The following ZHX3 variants were observed in gnomAD, a reference collection of about 807,000 sequenced individuals.
ZHX3 encodes zinc fingers and homeoboxes protein 3.
A neutral mutation model predicts 64.5 loss-of-function variants in ZHX3; 20 were observed. That is an observed-to-expected ratio of 0.31 (90% confidence interval 0.22 to 0.45). The LOEUF (loss-of-function observed/expected upper bound fraction) is 0.45, where lower values mean the gene tolerates loss of function less well. Among genes scored for constraint, ZHX3 ranks in the 20% least tolerant of loss-of-function variants. ZHX3 has a pLI of 1.00. For synonymous variants in ZHX3, 423 were observed against 461.6 expected, an observed-to-expected ratio of 0.92 and a Z score of 1.07; for missense variants, 1,041 against 1,195.8, an observed-to-expected ratio of 0.87 and a Z score of 1.91.
At position 41,184,797 on chromosome 20, in the gene ZHX3, T is replaced by A; in HGVS notation, c.*394A>T. 2.4e-6 allele frequency: 3 copies of A among 1,248,178 alleles called. No individual in the cohort carries two copies. Among genetic ancestry groups the A allele is most frequent in the Non-Finnish European group, 3.2e-6 (3 of 923,770 alleles). The allele number at this position is 1,248,178 out of a possible 1,614,324, so 77.3% of individuals were successfully genotyped here. ...ATGACGTAACTGACAATGCACTGCTTGGCTAACCAAAGTTTCTACGTAATG... is the reference window on the plus strand; with the variant it reads ...ATGACGTAACTGACAATGCACTGCTAGGCTAACCAAAGTTTCTACGTAATG... On this transcript the variant is annotated 3_prime_UTR_variant, in exon 4 of 4. Coordinates refer to ENST00000683867, the MANE Select transcript of ZHX3 (RefSeq NM_001384317.1).
intron 2 of ZHX3, among the ~76,000 whole-genome samples, chr20:41,246,921 C>T (rs2041725728): frequency 6.7e-6 from 1 of 150,364 alleles, no homozygotes; most frequent in South Asian, 2.1e-4. Context: ...AAACTAATAT[C>T]TAAATATTAG....
chr20:41,292,595 C>T (rs527813175), intron 1 of ZHX3, among the ~76,000 whole-genome samples: 9 of 152,294 alleles, frequency 5.9e-5, no homozygotes, highest in African/African-American at 1.9e-4. Context: ...TGCTCATCTA[C>T]GATTCAAAAG....
In ZHX3 at chr20:41,203,373, C is replaced by T. The variant is rs747830614; in HGVS notation, c.1544G>A (p.Arg515Gln). ...TTCGCTCTGCCCTGGGAACTGGTTC[C>T]GACAGAAGCTCCCTTTCAGAGCTGA... ...QLSALKGSFC[R>Q]NQFPGQSEVE... is the part of the protein sequence containing the mutation. The change falls in exon 3 of 4, where the codon CGG becomes CAG. Residue 515 changes from arginine (R) to glutamine (Q), a missense_variant. Arg to Gln is a conservative substitution (Grantham distance 43). Around this residue, in one of 4 missense-constraint regions of ZHX3, gnomAD observed 649 missense variants for 739.8 expected, o/e 0.88. Coordinates refer to ENST00000683867, the MANE Select transcript of ZHX3 (RefSeq NM_001384317.1). This position sits in a 1 kb window ranked among gnomAD's most constrained non-coding sequence, Gnocchi z 7.1. 1.2e-5 allele frequency: 19 copies of T among 1,614,160 alleles called. No individual in the cohort carries two copies. The highest frequency in any genetic ancestry group is 8.8e-5 in the South Asian group (8 of 91,078).
intron 1 of ZHX3, among the ~76,000 whole-genome samples, chr20:41,292,524 TGGA>T (rs1448022584): frequency 2.0e-5 from 3 of 152,170 alleles, no homozygotes; most frequent in Admixed American, 2.0e-4. Context: ...ATTAAAAACT[TGGA>T]GAAAAGGGAG....
intron 1 of ZHX3, among the ~76,000 whole-genome samples, chr20:41,302,124 C>T (rs1042321189): frequency 1.3e-5 from 2 of 149,324 alleles, no homozygotes; most frequent in African/African-American, 2.5e-5. Flanking sequence ...CCGTGCCCAA[C>T]GGTTTACCTC....
chr20:41,218,314 G>A (rs146101329), intron 2 of ZHX3, among the ~76,000 whole-genome samples: 202 of 152,216 alleles, frequency 1.3e-3, no homozygotes, highest in African/African-American at 4.6e-3. Context: ...ATGGTGACAC[G>A]CATGCTTGTA....
At chr20:41,311,104 G>A (rs942764653) in intron 1 of ZHX3, among the ~76,000 whole-genome samples, 6 of 152,164 alleles carry the variant, frequency 3.9e-5, no homozygotes, top group East Asian at 1.9e-4. Context: ...CACCGTGCCC[G>A]GCCAATTCTC....
chr20:41,280,600 A>G (rs1440605995), intron 1 of ZHX3, among the ~76,000 whole-genome samples: 1 of 152,150 alleles, frequency 6.6e-6, no homozygotes, highest in Non-Finnish European at 1.5e-5. Context: ...TTTTTTTAGT[A>G]GAGACGGGGT....
chr20:41,233,482 T>C (rs1439709358), intron 2 of ZHX3, among the ~76,000 whole-genome samples: 1 of 152,258 alleles, frequency 6.6e-6, no homozygotes, highest in Non-Finnish European at 1.5e-5. Flanking sequence ...TTTAGCCATC[T>C]TGTTGCCAGA....
intron 1 of ZHX3, among the ~76,000 whole-genome samples, chr20:41,314,949 G>T (rs561888568): frequency 1.3e-5 from 2 of 152,318 alleles, no homozygotes; most frequent in South Asian, 2.1e-4. Context: ...ACACTTCAGG[G>T]TTAATGAGGG....
intron 1 of ZHX3, among the ~76,000 whole-genome samples, chr20:41,274,554 T>C (rs2043294769): frequency 1.3e-5 from 2 of 152,216 alleles, no homozygotes; most frequent in Non-Finnish European, 2.9e-5. Flanking sequence ...TAAAGGTAAC[T>C]TGAGCTGGAT....
intron 1 of ZHX3, among the ~76,000 whole-genome samples, chr20:41,299,564 T>C (rs754832259): frequency 1.3e-5 from 2 of 152,040 alleles, no homozygotes; most frequent in Middle Eastern, 3.2e-3. Context: ...AAAAGACATA[T>C]GAAAGACAAG....
Position 41,226,457 on chromosome 20 carries a change from T to C in ZHX3, c.-150-21391A>G, listed in dbSNP as rs2040278461. On this transcript the variant is annotated intron_variant, in intron 2 of 3. Coordinates refer to ENST00000683867, the MANE Select transcript of ZHX3 (RefSeq NM_001384317.1). The surrounding 1 kb of genome is among the most constrained non-coding windows in gnomAD (Gnocchi z 4.4). ...ATTCATCCACTGATGGACATTTAGGTTGCTTCCCCCTCTTGGTTATTGTGA... is the reference window on the plus strand; with the variant it reads ...ATTCATCCACTGATGGACATTTAGGCTGCTTCCCCCTCTTGGTTATTGTGA... Among the ~76,000 whole-genome samples, 1 of 152,212 alleles carries C rather than the reference T, an allele frequency of 6.6e-6. No individual in the cohort carries two copies. Among genetic ancestry groups the C allele is most frequent in the African/African-American group, 2.4e-5 (1 of 41,464 alleles).
At chr20:41,258,049 G>A (rs375826205) in intron 2 of ZHX3, among the ~76,000 whole-genome samples, 2 of 151,192 alleles carry the variant, frequency 1.3e-5, no homozygotes, top group African/African-American at 4.9e-5. Context: ...ACAGGCACCC[G>A]CCACCATGCC....
At chr20:41,302,962 G>A (rs966828869) in intron 1 of ZHX3, among the ~76,000 whole-genome samples, 1 of 152,212 alleles carries the variant, frequency 6.6e-6, no homozygotes, top group African/African-American at 2.4e-5. Flanking sequence ...GGACTCTAGT[G>A]GTAATGAAGA....
chr20:41,193,726 GAGA>G (rs2037248733), intron 3 of ZHX3, among the ~76,000 whole-genome samples: 1 of 113,268 alleles, frequency 8.8e-6, no homozygotes, highest in Non-Finnish European at 1.8e-5. Flanking sequence ...TTTTTTTTTT[GAGA>G]AGGAGTCTCG....
intron 1 of ZHX3, among the ~76,000 whole-genome samples, chr20:41,270,080 T>C (rs2043055209): frequency 6.6e-6 from 1 of 152,146 alleles, no homozygotes; most frequent in African/African-American, 2.4e-5. Flanking sequence ...ACTTGTTAGG[T>C]AAATTACCTA....
In ZHX3 at chr20:41,224,933, C is replaced by T. The variant is rs1053053904; in HGVS notation, c.-150-19867G>A. Reference sequence around the variant, plus strand: ...AATTTGTCTGGATCTTCATCTGATTCTTTTCCTGCTTATTGTCTTTCACTT... The same window carrying T: ...AATTTGTCTGGATCTTCATCTGATTTTTTTCCTGCTTATTGTCTTTCACTT... On this transcript the variant is annotated intron_variant, in intron 2 of 3. Transcript: ENST00000683867. The surrounding 1 kb of genome is among the most constrained non-coding windows in gnomAD (Gnocchi z 5.2). Among the ~76,000 whole-genome samples, 1 of 152,226 alleles carries T rather than the reference C, an allele frequency of 6.6e-6. No individual in the cohort carries two copies. Among genetic ancestry groups the T allele is most frequent in the African/African-American group, 2.4e-5 (1 of 41,464 alleles).
intron 1 of ZHX3, among the ~76,000 whole-genome samples, chr20:41,301,389 T>G (rs17181845): frequency 0.14 from 21,064 of 152,178 alleles, 1,679 homozygotes; most frequent in Non-Finnish European, 0.17. Flanking sequence ...AATAGAATCT[T>G]AATGCCTTGC....
Sources: gnomAD v4.1 joint callset for allele counts (sites outside exome capture counted in the v4.1 genomes callset) on GRCh38, gnomAD v4.1.1 for gene constraint, gnomAD v4.1.1 regional missense constraint, Gnocchi (gnomAD v3.1) non-coding constraint, MANE v1.5 for transcripts, NCBI Gene and HGNC (gene_info 2026-07-23, HGNC 2026-07-21) for gene names.